The following RBMS3 variants were observed in gnomAD, a reference collection of about 807,000 sequenced individuals.
The protein encoded by RBMS3 is RNA-binding motif, single-stranded-interacting protein 3.
In RBMS3, 27 loss-of-function variants were observed where a neutral mutation model predicts 66.8. The observed-to-expected ratio is 0.40, with a 90% CI of 0.30 to 0.56. The LOEUF (loss-of-function observed/expected upper bound fraction) is 0.56, where lower values mean the gene tolerates loss of function less well. Among genes scored for constraint, RBMS3 ranks in the 20% least tolerant of loss-of-function variants. The pLI is 0.40. For synonymous variants in RBMS3, 188 were observed against 183.0 expected, an observed-to-expected ratio of 1.03 and a Z score of -0.22; for missense variants, 513 against 549.5, an observed-to-expected ratio of 0.93 and a Z score of 0.66.
intron 14 of RBMS3, among the ~76,000 whole-genome samples, chr3:29,998,929 TTAAAC>T (rs769248747): frequency 2.6e-5 from 4 of 151,982 alleles, no homozygotes; most frequent in Non-Finnish European, 5.9e-5. Context: ...TGGGATCTAA[TTAAAC>T]TAAAGAGCTT....
intron 3 of RBMS3, among the ~76,000 whole-genome samples, chr3:29,513,811 G>GT (rs765919293): frequency 6.6e-6 from 1 of 152,206 alleles, no homozygotes; most frequent in Non-Finnish European, 1.5e-5. Context: ...ATAAAAATGT[G>GT]TTCTTTTCCT....
intron 1 of RBMS3, among the ~76,000 whole-genome samples, chr3:29,394,032 A>G (rs1212129645): frequency 1.1e-4 from 16 of 152,154 alleles, no homozygotes; most frequent in Non-Finnish European, 1.0e-4. Context: ...AGAGCAGACA[A>G]CTGGTCTGAC....
At chr3:29,360,928 A>G (rs1302441927) in intron 1 of RBMS3, among the ~76,000 whole-genome samples, 1 of 151,424 alleles carries the variant, frequency 6.6e-6, no homozygotes, top group Non-Finnish European at 1.5e-5. Context: ...CTTTATTTTG[A>G]GCCTATGTGT....
At chr3:29,957,676 GA>G (rs1283071833) in intron 12 of RBMS3, among the ~76,000 whole-genome samples, 1 of 152,072 alleles carries the variant, frequency 6.6e-6, no homozygotes, top group African/African-American at 2.4e-5. Context: ...TTGCTTATCT[GA>G]AAGGTTTCAT....
chr3:29,745,911 A>G (rs2054872874), intron 5 of RBMS3, among the ~76,000 whole-genome samples: 1 of 149,998 alleles, frequency 6.7e-6, no homozygotes, highest in African/African-American at 2.4e-5. Flanking sequence ...AAAAAAAAAG[A>G]TGGGTATAGG....
chr3:29,883,587 T>A (rs1376115858), intron 7 of RBMS3, among the ~76,000 whole-genome samples: 2 of 152,044 alleles, frequency 1.3e-5, no homozygotes, highest in African/African-American at 4.8e-5. Context: ...ATTAGCCATG[T>A]GTTCTAGAAT....
chr3:29,916,526 C>T (rs1319763891), intron 10 of RBMS3, among the ~76,000 whole-genome samples: 2 of 151,780 alleles, frequency 1.3e-5, no homozygotes, highest in Non-Finnish European at 2.9e-5. Context: ...ACATATTTGT[C>T]CTAAAGCAGG....
At chr3:29,324,797 G>T (rs572944294) in intron 1 of RBMS3, among the ~76,000 whole-genome samples, 17 of 151,134 alleles carry the variant, frequency 1.1e-4, no homozygotes, top group Non-Finnish European at 1.8e-4. Flanking sequence ...TGCTTACCTA[G>T]TATTCTTTCC....
At chr3:29,528,784 A>T (rs535448035) in intron 3 of RBMS3, among the ~76,000 whole-genome samples, 1 of 152,178 alleles carries the variant, frequency 6.6e-6, no homozygotes, top group Admixed American at 6.5e-5. Flanking sequence ...CCCAGGCTGG[A>T]GTGCAATGGC....
At chr3:29,974,805 A>C (rs1450560184) in intron 12 of RBMS3, among the ~76,000 whole-genome samples, 1 of 144,126 alleles carries the variant, frequency 6.9e-6, no homozygotes, top group Non-Finnish European at 1.5e-5. Flanking sequence ...AAATACGTTT[A>C]TATATTTTAT....
intron 4 of RBMS3, among the ~76,000 whole-genome samples, chr3:29,598,638 T>C (rs991855519): frequency 6.6e-6 from 1 of 152,064 alleles, no homozygotes; most frequent in South Asian, 2.1e-4. Flanking sequence ...GCATCTGATA[T>C]TGCATTCATT....
At chr3:29,607,278 G>T (rs1269923609) in intron 4 of RBMS3, among the ~76,000 whole-genome samples, 1 of 151,820 alleles carries the variant, frequency 6.6e-6, no homozygotes, top group African/African-American at 2.4e-5. Flanking sequence ...AAATGCCATA[G>T]ACTAGGTAGC....
At chr3:29,700,915 G>C (rs575877120) in intron 4 of RBMS3, among the ~76,000 whole-genome samples, 1 of 152,120 alleles carries the variant, frequency 6.6e-6, no homozygotes, top group East Asian at 1.9e-4. Context: ...TGGACATTGC[G>C]CTTTTTAGAA....
chr3:29,356,738 G>A (rs1009152498), intron 1 of RBMS3, among the ~76,000 whole-genome samples: 1 of 152,122 alleles, frequency 6.6e-6, no homozygotes, highest in South Asian at 2.1e-4. Context: ...AGATGTGTGT[G>A]TTTGTCAGTG....
chr3:29,397,311 CAT>C (rs2039597556), intron 1 of RBMS3, among the ~76,000 whole-genome samples: 1 of 152,078 alleles, frequency 6.6e-6, no homozygotes, highest in Non-Finnish European at 1.5e-5. Context: ...GGTTTAGGAA[CAT>C]GTTTCCTGTA....
intron 4 of RBMS3, among the ~76,000 whole-genome samples, chr3:29,680,333 C>G (rs2051434086): frequency 6.6e-6 from 1 of 152,152 alleles, no homozygotes. Context: ...TAACTTGGGT[C>G]CCATTCTATT....
chr3:29,361,080 T>G (rs2037555104), intron 1 of RBMS3, among the ~76,000 whole-genome samples: 1 of 152,024 alleles, frequency 6.6e-6, no homozygotes, highest in Admixed American at 6.5e-5. Flanking sequence ...GTGAATTTGA[T>G]CCTGTCATTA....
At chr3:29,730,342 A>G (rs530647986) in intron 4 of RBMS3, among the ~76,000 whole-genome samples, 2 of 149,772 alleles carry the variant, frequency 1.3e-5, no homozygotes, top group African/African-American at 2.4e-5. Context: ...TACAATGAGA[A>G]TGGTTGTCTT....
At position 29,514,318 on chromosome 3, in the gene RBMS3, A is replaced by C. The variant is rs556649713; in HGVS notation, c.307+25819A>C. On this transcript the variant is annotated intron_variant, in intron 3 of 14. Coordinates refer to ENST00000383767, the MANE Select transcript of RBMS3 (RefSeq NM_001003793.3). ...CTCTCTCACCATGTTTGGCAACCTA[A>C]AGCTACTCAGACTTCCTTAGAGGTA... is the stretch of plus-strand genomic sequence containing the variant. Among the ~76,000 whole-genome samples, 129 of 152,146 alleles carry C rather than the reference A, an allele frequency of 8.5e-4. 1 individual carries two copies. The highest frequency in any genetic ancestry group is 2.7e-3 in the African/African-American group (113 of 41,530).
Sources: allele counts gnomAD v4.1 joint callset (sites outside exome capture counted in the v4.1 genomes callset), GRCh38; gene constraint gnomAD v4.1.1; transcripts MANE v1.5; gene names NCBI Gene and HGNC (gene_info 2026-07-23, HGNC 2026-07-21).